The following ABHD12 variants were observed in gnomAD, a reference collection of about 807,000 sequenced individuals.
ABHD12 encodes the protein abhydrolase domain containing 12, lysophospholipase, also known as lysophosphatidylserine lipase ABHD12.
Under a neutral mutation model 58.3 loss-of-function variants are expected in ABHD12, and 43 were observed. The observed-to-expected ratio is 0.74, with a 90% CI of 0.58 to 0.95. The LOEUF (loss-of-function observed/expected upper bound fraction) is 0.95. Ranked by LOEUF, ABHD12 falls within the 40% of genes least tolerant of loss-of-function variation. The probability of loss-of-function intolerance (pLI) is 0.00; values close to 1 mark genes in which losing one functional copy is unlikely to be tolerated. For synonymous variants in ABHD12, 219 were observed against 211.2 expected (o/e 1.04, Z -0.32); for missense variants, 539 against 537.2 (o/e 1.00, Z -0.03).
In ABHD12 at chr20:25,300,549, C is replaced by T. The variant is rs2088616596; in HGVS notation, c.*296G>A. 11 of 1,386,838 alleles carry T rather than the reference C, an allele frequency of 7.9e-6. No individual in the cohort carries two copies. Among genetic ancestry groups the T allele is most frequent in the Non-Finnish European group, 1.0e-5 (11 of 1,069,928 alleles). The allele number at this position is 1,386,838 out of a possible 1,614,324, so 85.9% of individuals were successfully genotyped here. On this transcript the variant is annotated 3_prime_UTR_variant, in exon 13 of 13. Transcript: ENST00000339157. ...CTGTCCAGCTCAGTGCAGCATCAAG[C>T]AGGCAGTGATGGCTGCCTGCTGCCA... is the stretch of plus-strand genomic sequence containing the variant.
chr20:25,362,982 ATTTT>A (rs1027518046), intron 1 of ABHD12, among the ~76,000 whole-genome samples: 1 of 147,598 alleles, frequency 6.8e-6, no homozygotes, highest in African/African-American at 2.5e-5. Context: ...CTTTTACTTG[ATTTT>A]TTTTTTGGAG....
At chr20:25,369,308 A>G (rs2089867878) in intron 1 of ABHD12, among the ~76,000 whole-genome samples, 2 of 152,094 alleles carry the variant, frequency 1.3e-5, no homozygotes, top group Non-Finnish European at 2.9e-5. Flanking sequence ...TTTGTTGCGG[A>G]GTTTTAAAAT....
At chr20:25,353,956 T>C (rs903897422) in intron 1 of ABHD12, among the ~76,000 whole-genome samples, 1 of 152,134 alleles carries the variant, frequency 6.6e-6, no homozygotes, top group African/African-American at 2.4e-5. Context: ...CCGCTGACAT[T>C]TGGAACAGGC....
chr20:25,390,730 A>T lies in ABHD12; in HGVS notation c.-27T>A. ...CCGCGGCCGACAGGGCCAGCCGCCG[A>T]CGGCGCCCGCTGGCCTGCGCCGCAG... On this transcript the variant is annotated 5_prime_UTR_variant, in exon 1 of 13. Coordinates refer to ENST00000339157, the MANE Select transcript of ABHD12 (RefSeq NM_001042472.3). The T allele has an allele frequency of 8.4e-7, 1 of 1,191,686 alleles. No individual in the cohort carries two copies. The highest frequency in any genetic ancestry group is 3.9e-5 in the Admixed American group (1 of 25,376). 73.8% of individuals were successfully genotyped at this position (1,191,686 alleles called of 1,614,324 possible). A position where few individuals can be genotyped will look rare whatever the true frequency, so the allele number is the denominator to read the frequency against.
chr20:25,327,328 A>G (rs1399916553), intron 2 of ABHD12, among the ~76,000 whole-genome samples: 2 of 152,108 alleles, frequency 1.3e-5, no homozygotes, highest in Non-Finnish European at 2.9e-5. Flanking sequence ...TTAGCCGGGC[A>G]TGGTGGTGAG....
intron 1 of ABHD12, among the ~76,000 whole-genome samples, chr20:25,371,070 G>A (rs1321092882): frequency 1.3e-5 from 2 of 152,078 alleles, no homozygotes; most frequent in African/African-American, 4.8e-5. Flanking sequence ...CAACTTACCA[G>A]AAGCTATTTC....
At chr20:25,356,578 T>C (rs73614590) in intron 1 of ABHD12, among the ~76,000 whole-genome samples, 7,822 of 152,286 alleles carry the variant, frequency 0.051, 214 homozygotes, top group Middle Eastern at 0.12. Context: ...TTCCTCCTAC[T>C]GTCCAGGGTA....
chr20:25,346,086 T>C (rs2089514201), intron 1 of ABHD12, among the ~76,000 whole-genome samples: 2 of 152,082 alleles, frequency 1.3e-5, no homozygotes, highest in Admixed American at 6.6e-5. Flanking sequence ...GGTGAGTGAA[T>C]AAATAAACTG....
At chr20:25,317,425 A>G (rs1035367196) in intron 4 of ABHD12, among the ~76,000 whole-genome samples, 4 of 152,150 alleles carry the variant, frequency 2.6e-5, no homozygotes, top group African/African-American at 9.7e-5. Context: ...CTGTGTAGAC[A>G]GAGGCTGTGC....
intron 6 of ABHD12, among the ~76,000 whole-genome samples, chr20:25,312,673 C>A (rs2145946123): frequency 6.6e-6 from 1 of 151,498 alleles, no homozygotes; most frequent in East Asian, 1.9e-4. Flanking sequence ...CTCTGCCTGG[C>A]TGCCCAGTCT....
At chr20:25,318,775 C>T (rs555139919) in intron 4 of ABHD12, among the ~76,000 whole-genome samples, 5 of 152,120 alleles carry the variant, frequency 3.3e-5, no homozygotes, top group Admixed American at 3.3e-4. Context: ...TTTGTAGCCA[C>T]TTGCTCTTTG....
chr20:25,376,101 G>A lies in ABHD12; in HGVS notation c.191+14412C>T, dbSNP rs1218555132. Among the ~76,000 whole-genome samples the A allele has an allele frequency of 5.3e-5, 8 of 152,030 alleles. No homozygotes were observed. In the South Asian group the frequency reaches 1.2e-3, roughly 24 times the overall value. On this transcript the variant is annotated intron_variant, in intron 1 of 12. Coordinates refer to ENST00000339157, the MANE Select transcript of ABHD12 (RefSeq NM_001042472.3). ...CGCACCACTGCACTCCAGCCTGGGC[G>A]ACAGAGTGAGACTCTGTCTCAAAAA...
chr20:25,385,689 TTAAATAAA>T (rs34510294), intron 1 of ABHD12, among the ~76,000 whole-genome samples: 9 of 150,552 alleles, frequency 6.0e-5, no homozygotes, highest in Non-Finnish European at 1.2e-4. Context: ...ACCAAAAAAT[TTAAATAAA>T]TAAATAAATA....
intron 6 of ABHD12, among the ~76,000 whole-genome samples, chr20:25,311,924 T>C (rs4815400): frequency 0.43 from 64,926 of 151,476 alleles, 15,373 homozygotes; most frequent in Admixed American, 0.55. Flanking sequence ...CCCAGGCTTA[T>C]CTCGAACTCC....
At chr20:25,348,947 G>A (rs1250170196) in intron 1 of ABHD12, among the ~76,000 whole-genome samples, 1 of 152,030 alleles carries the variant, frequency 6.6e-6, no homozygotes, top group Admixed American at 6.6e-5. Flanking sequence ...AGCCGGGCAT[G>A]GTGGCAGGCG....
rs769103772 is a variant in ABHD12 at position 25,306,864 on chromosome 20, T to G, written c.919A>C (p.Ser307Arg). 1.9e-6 allele frequency: 3 copies of G among 1,612,716 alleles called. No homozygotes were observed. In the East Asian group the frequency reaches 6.7e-5, roughly 36 times the overall value. ...TCATTTGCAAATTTAATTCCACTAC[T>G]TGTAATAGGATCAAGGAAGAACCAG... ...FDWFFLDPITSSGIKFANDEN... is the reference protein window; with the variant it reads ...FDWFFLDPITRSGIKFANDEN... Residue 307 changes from serine (S) to arginine (R), a missense_variant, in exon 10 of 13, where the codon AGT (serine) becomes CGT (arginine). Transcript: ENST00000339157.
chr20:25,367,795 TG>T (rs2089844008), intron 1 of ABHD12, among the ~76,000 whole-genome samples: 1 of 152,250 alleles, frequency 6.6e-6, no homozygotes, highest in Non-Finnish European at 1.5e-5. Context: ...CATTCATCCA[TG>T]GGTGGACATC....
chr20:25,384,098 C>T (rs560584443), intron 1 of ABHD12, among the ~76,000 whole-genome samples: 17 of 149,268 alleles, frequency 1.1e-4, no homozygotes, highest in Non-Finnish European at 1.9e-4. Context: ...GCCGAGATCA[C>T]GCCACTGCAC....
intron 1 of ABHD12, among the ~76,000 whole-genome samples, chr20:25,339,987 T>C (rs923022934): frequency 3.3e-5 from 5 of 152,196 alleles, no homozygotes; most frequent in Admixed American, 6.5e-5. Context: ...CTAATTCCTC[T>C]CCAGCTCCAG....
Sources: gnomAD v4.1 joint callset for allele counts (sites outside exome capture counted in the v4.1 genomes callset) on GRCh38, gnomAD v4.1.1 for gene constraint, MANE v1.5 for transcripts, NCBI Gene and HGNC (gene_info 2026-07-23, HGNC 2026-07-21) for gene names.